Variants in STK39 observed in about 807,000 individuals in gnomAD.
The protein encoded by STK39 is STE20/SPS1-related proline-alanine-rich protein kinase.
A neutral mutation model predicts 77.8 loss-of-function variants in STK39; 20 were observed. The ratio of observed to expected loss-of-function variants is 0.26; its 90% CI spans 0.18 to 0.37. The LOEUF (loss-of-function observed/expected upper bound fraction) is 0.37. Among genes scored for constraint, STK39 ranks in the 10% least tolerant of loss-of-function variants. STK39 has a pLI of 1.00. For missense variants in STK39, 479 were observed against 656.5 expected, an observed-to-expected ratio of 0.73 and a Z score of 2.95; for synonymous variants, 246 against 234.1, an observed-to-expected ratio of 1.05 and a Z score of -0.47.
chr2:168,139,187 T>C (rs888681591), intron 7 of STK39, among the ~76,000 whole-genome samples: 1 of 152,022 alleles, frequency 6.6e-6, no homozygotes, highest in African/African-American at 2.4e-5. Context: ...AAGTGCGACT[T>C]TGAATTCAGG....
At chr2:168,199,587 G>A (rs1168016901) in intron 1 of STK39, among the ~76,000 whole-genome samples, 2 of 151,770 alleles carry the variant, frequency 1.3e-5, no homozygotes, top group East Asian at 1.9e-4. Flanking sequence ...GAGTGCAGTG[G>A]CACGATCTCG....
At chr2:168,076,143 A>T (rs543265783) in intron 10 of STK39, among the ~76,000 whole-genome samples, 18 of 152,360 alleles carry the variant, frequency 1.2e-4, no homozygotes, top group Admixed American at 1.1e-3. Flanking sequence ...TGGTCCAAGG[A>T]TTCAGAGAAA....
chr2:168,147,575 T>C (rs1688172273), intron 5 of STK39, among the ~76,000 whole-genome samples: 1 of 147,288 alleles, frequency 6.8e-6, no homozygotes, highest in South Asian at 2.2e-4. Flanking sequence ...CAGCACCTAC[T>C]TATGCCCGGT....
chr2:168,049,462 G>A (rs952949421), intron 14 of STK39, among the ~76,000 whole-genome samples: 1 of 152,194 alleles, frequency 6.6e-6, no homozygotes, highest in Non-Finnish European at 1.5e-5. Flanking sequence ...TTCATTGGAA[G>A]CTATCCAGGG....
chr2:168,021,990 A>G (rs1257842546), intron 14 of STK39, among the ~76,000 whole-genome samples: 1 of 152,156 alleles, frequency 6.6e-6, no homozygotes, highest in East Asian at 1.9e-4. Context: ...ATACATATAT[A>G]TTGAATACAG....
chr2:168,246,978 G>A (rs1010776878), intron 1 of STK39, among the ~76,000 whole-genome samples: 8 of 150,644 alleles, frequency 5.3e-5, no homozygotes, highest in African/African-American at 1.5e-4. Context: ...TGCAGCATGC[G>A]GCTCGTCTGC....
chr2:168,181,298 C>T (rs921213325), intron 2 of STK39, among the ~76,000 whole-genome samples: 6 of 152,118 alleles, frequency 3.9e-5, no homozygotes, highest in Non-Finnish European at 8.8e-5. Flanking sequence ...CACAGTTTGC[C>T]GGGCAACTAA....
chr2:167,976,349 G>T (rs1046956406), intron 16 of STK39, among the ~76,000 whole-genome samples: 2 of 152,164 alleles, frequency 1.3e-5, no homozygotes, highest in African/African-American at 4.8e-5. Flanking sequence ...CTTGCCTTTA[G>T]CTTTCAAGCT....
At chr2:168,153,475 G>T (rs758122033) in intron 5 of STK39, among the ~76,000 whole-genome samples, 3 of 152,140 alleles carry the variant, frequency 2.0e-5, no homozygotes, top group Admixed American at 2.0e-4. Context: ...TAGAGTTTCC[G>T]ATTCAGAAGG....
chr2:168,135,149 G>A (rs1161633971), intron 8 of STK39, among the ~76,000 whole-genome samples: 1 of 117,878 alleles, frequency 8.5e-6, no homozygotes, highest in Non-Finnish European at 1.9e-5. Context: ...AGGAATTGGG[G>A]TGTGTAAATC....
At chr2:167,969,820 G>A (rs1420229363) in intron 16 of STK39, among the ~76,000 whole-genome samples, 1 of 152,152 alleles carries the variant, frequency 6.6e-6, no homozygotes, top group African/African-American at 2.4e-5. Context: ...TAACATGTAG[G>A]CAGACCATGT....
At chr2:168,105,085 T>C (rs1212895701) in intron 10 of STK39, among the ~76,000 whole-genome samples, 5 of 152,232 alleles carry the variant, frequency 3.3e-5, no homozygotes, top group African/African-American at 9.6e-5. Context: ...GACTGTGTGT[T>C]CATATTTGAG....
At position 168,146,793 on chromosome 2, in the gene STK39, A is replaced by G. The variant is rs547245327; in HGVS notation, c.629-6035T>C. Among the ~76,000 whole-genome samples the G allele has an allele frequency of 3.9e-5, 6 of 152,356 alleles. No individual in the cohort carries two copies. The East Asian group carries it at 1.2e-3, about 29-fold the overall frequency. ...ACTAGAAGCAGAGAAGACCACAACCATAGCCCAGGAGCAAAATCAACAGAG... is the reference window on the plus strand; with the variant it reads ...ACTAGAAGCAGAGAAGACCACAACCGTAGCCCAGGAGCAAAATCAACAGAG... On this transcript the variant is annotated intron_variant, in intron 5 of 17. Coordinates refer to ENST00000355999, the MANE Select transcript of STK39 (RefSeq NM_013233.3).
intron 10 of STK39, among the ~76,000 whole-genome samples, chr2:168,084,029 T>C (rs959668445): frequency 7.0e-5 from 2 of 28,398 alleles, no homozygotes; most frequent in African/African-American, 2.6e-4. Flanking sequence ...TGTTAACATA[T>C]CAAGTTAAAA....
intron 1 of STK39, among the ~76,000 whole-genome samples, chr2:168,193,021 G>A (rs1301959530): frequency 2.6e-5 from 4 of 152,148 alleles, no homozygotes; most frequent in African/African-American, 7.2e-5. Flanking sequence ...CCAGGAAAGT[G>A]ACTCACTGTT....
intron 14 of STK39, among the ~76,000 whole-genome samples, chr2:168,035,975 C>A (rs927355808): frequency 6.6e-6 from 1 of 152,124 alleles, no homozygotes; most frequent in African/African-American, 2.4e-5. Flanking sequence ...GACTTCCCAG[C>A]CTTCACATTT....
chr2:167,978,547 T>C (rs1683338266), intron 16 of STK39, among the ~76,000 whole-genome samples: 1 of 152,226 alleles, frequency 6.6e-6, no homozygotes, highest in African/African-American at 2.4e-5. Flanking sequence ...CTTTCCTAAA[T>C]ACTTCCTAAC....
intron 10 of STK39, among the ~76,000 whole-genome samples, chr2:168,087,573 A>G (rs1297466779): frequency 2.6e-5 from 4 of 152,270 alleles, no homozygotes; most frequent in African/African-American, 9.6e-5. Context: ...GCTGTGCCCT[A>G]GAGCTCCAGC....
chr2:168,096,064 G>A (rs1356035637), intron 10 of STK39, among the ~76,000 whole-genome samples: 1 of 151,862 alleles, frequency 6.6e-6, no homozygotes, highest in Non-Finnish European at 1.5e-5. Flanking sequence ...CTAAACATAG[G>A]GTTACAGTGT....
Sources: allele counts gnomAD v4.1 joint callset (sites outside exome capture counted in the v4.1 genomes callset), GRCh38; gene constraint gnomAD v4.1.1; transcripts MANE v1.5; gene names NCBI Gene and HGNC (gene_info 2026-07-23, HGNC 2026-07-21).